Variants in SEPTIN9 observed in about 807,000 individuals in gnomAD.
The protein encoded by SEPTIN9 is septin 9.
Under a neutral mutation model 56.6 loss-of-function variants are expected in SEPTIN9, and 13 were observed. The ratio of observed to expected loss-of-function variants is 0.23; its 90% CI spans 0.15 to 0.37. The LOEUF (loss-of-function observed/expected upper bound fraction) is 0.37. Among genes scored for constraint, SEPTIN9 ranks in the 10% least tolerant of loss-of-function variants. The pLI is 1.00. For missense variants in SEPTIN9, 650 were observed against 823.1 expected, an observed-to-expected ratio of 0.79 and a Z score of 2.57; for synonymous variants, 332 against 334.1, an observed-to-expected ratio of 0.99 and a Z score of 0.07.
chr17:77,305,593 C>A (rs1276533842), intron 1 of SEPTIN9, among the ~76,000 whole-genome samples: 1 of 151,992 alleles, frequency 6.6e-6, no homozygotes, highest in Non-Finnish European at 1.5e-5. Flanking sequence ...ATGGGTTCAA[C>A]TAAAATTGGG....
rs2037211194 is a variant in SEPTIN9 at position 77,433,210 on chromosome 17, G to T, written c.721+30507G>T. ...CTCCATCCCACCATCTCCAGCCGTG[G>T]TGTCCCTCTCGGTCACAGGATGCTG... On this transcript the variant is annotated intron_variant, in intron 3 of 11. Coordinates refer to ENST00000427177, the MANE Select transcript of SEPTIN9 (RefSeq NM_001113491.2). This position sits in a 1 kb window ranked among gnomAD's most constrained non-coding sequence, Gnocchi z 6.4. Among the ~76,000 whole-genome samples, 1 of 152,292 alleles carries T rather than the reference G, an allele frequency of 6.6e-6. No individual in the cohort carries two copies. Among genetic ancestry groups the T allele is most frequent in the African/African-American group, 2.4e-5 (1 of 41,562 alleles).
At chr17:77,422,383 G>A (rs1268567430) in intron 3 of SEPTIN9, among the ~76,000 whole-genome samples, 1 of 152,246 alleles carries the variant, frequency 6.6e-6, no homozygotes, top group Non-Finnish European at 1.5e-5. Flanking sequence ...AGTGGCTGGT[G>A]TGGCTTCCTG....
intron 10 of SEPTIN9, chr17:77,496,929 C>T (rs900873267): frequency 3.4e-6 from 1 of 290,548 alleles, no homozygotes. Flanking sequence ...GTCTTCAGGC[C>T]CCTGCTGGGA....
intron 2 of SEPTIN9, among the ~76,000 whole-genome samples, chr17:77,393,036 C>T (rs1253156852): frequency 6.6e-6 from 1 of 152,308 alleles, no homozygotes; most frequent in South Asian, 2.1e-4. Flanking sequence ...CCCTCCTCCA[C>T]CAAGCAGCCC....
rs374435660 is a variant in SEPTIN9, at chr17:77,392,071, G to C, written c.77-9988G>C. ...CAGCCAGCGAGCTGCTCTTCCTGTA[G>C]CGTGCAGAGGGAAGGAGGAGGCTTG... On this transcript the variant is annotated intron_variant, in intron 2 of 11. Coordinates refer to ENST00000427177, the MANE Select transcript of SEPTIN9 (RefSeq NM_001113491.2). 2.4e-4 allele frequency among the ~76,000 whole-genome samples: 37 copies of C among 152,328 alleles called. No individual in the cohort carries two copies. The East Asian group carries it at 6.7e-3, about 28-fold the overall frequency.
intron 3 of SEPTIN9, chr17:77,481,911 T>G: frequency 1.0e-5 from 6 of 578,698 alleles, no homozygotes; most frequent in East Asian, 2.9e-5. Flanking sequence ...AGTCTGGGGA[T>G]GGAGCTTTGC....
Position 77,365,692 on chromosome 17 carries a change from G to A in SEPTIN9, c.77-36367G>A, listed in dbSNP as rs903316946. 2.6e-5 allele frequency among the ~76,000 whole-genome samples: 4 copies of A among 152,264 alleles called. No homozygotes were observed. In the East Asian group the frequency reaches 5.8e-4, roughly 22 times the overall value. On this transcript the variant is annotated intron_variant, in intron 2 of 11. Coordinates refer to ENST00000427177, the MANE Select transcript of SEPTIN9 (RefSeq NM_001113491.2). The stretch of plus-strand genomic sequence containing the variant: ...CCTGCCCTTCCCGGGTTGCCAGGCC[G>A]CCACTCCCAACCTCCACCCTCTTTC...
chr17:77,493,917 C>T (rs1023452915), intron 10 of SEPTIN9, among the ~76,000 whole-genome samples: 11 of 152,070 alleles, frequency 7.2e-5, no homozygotes, highest in African/African-American at 9.7e-5. Flanking sequence ...GGATTACAGT[C>T]ACGTACCACC....
At chr17:77,479,871 T>TG (rs2039380629) in intron 3 of SEPTIN9, among the ~76,000 whole-genome samples, 1 of 151,954 alleles carries the variant, frequency 6.6e-6, no homozygotes, top group East Asian at 1.9e-4. Flanking sequence ...GTCACGTGGG[T>TG]GGGGACTGAA....
In SEPTIN9 at chr17:77,436,801, C is replaced by T. The variant is rs896463675; in HGVS notation, c.721+34098C>T. ...GCAGGGTGAGCTGCCCATTCTGGCCCTGGTAAGGACACCCAGGAGAGGGCC... is the reference window on the plus strand; with the variant it reads ...GCAGGGTGAGCTGCCCATTCTGGCCTTGGTAAGGACACCCAGGAGAGGGCC... On this transcript the variant is annotated intron_variant, in intron 3 of 11. Coordinates refer to ENST00000427177, the MANE Select transcript of SEPTIN9 (RefSeq NM_001113491.2). This position sits in a 1 kb window ranked among gnomAD's most constrained non-coding sequence, Gnocchi z 4.4. Among the ~76,000 whole-genome samples the T allele has an allele frequency of 6.6e-6, 1 of 152,248 alleles. No individual in the cohort carries two copies. Among genetic ancestry groups the T allele is most frequent in the Non-Finnish European group, 1.5e-5 (1 of 68,056 alleles).
intron 2 of SEPTIN9, among the ~76,000 whole-genome samples, chr17:77,377,603 G>C (rs1403263296): frequency 6.6e-6 from 1 of 152,146 alleles, no homozygotes; most frequent in Non-Finnish European, 1.5e-5. Flanking sequence ...AGGACCCCCA[G>C]ATCTGTGTTC....
chr17:77,437,707 A>G lies in SEPTIN9; in HGVS notation c.721+35004A>G, dbSNP rs1054870146. Among the ~76,000 whole-genome samples, 1 of 152,126 alleles carries G rather than the reference A, an allele frequency of 6.6e-6. No homozygotes were observed. ...CCAAACTCCATGCTGCAAAAGCCCAAGTGAACCCCAGTAGTGGCCTGGGAG... is the reference window on the plus strand; with the variant it reads ...CCAAACTCCATGCTGCAAAAGCCCAGGTGAACCCCAGTAGTGGCCTGGGAG... On this transcript the variant is annotated intron_variant, in intron 3 of 11. Coordinates refer to ENST00000427177, the MANE Select transcript of SEPTIN9 (RefSeq NM_001113491.2). This position sits in a 1 kb window ranked among gnomAD's most constrained non-coding sequence, Gnocchi z 5.3.
intron 2 of SEPTIN9, among the ~76,000 whole-genome samples, chr17:77,344,647 A>T (rs2033831986): frequency 6.6e-6 from 1 of 152,194 alleles, no homozygotes; most frequent in Non-Finnish European, 1.5e-5. Context: ...AATGTGGTCC[A>T]TCTGTACAGT....
intron 3 of SEPTIN9, among the ~76,000 whole-genome samples, chr17:77,419,120 A>G (rs952234501): frequency 6.6e-6 from 1 of 152,198 alleles, no homozygotes; most frequent in African/African-American, 2.4e-5. Flanking sequence ...CCTCTTGGCC[A>G]GAGAGAGACT....
intron 6 of SEPTIN9, 36 bp downstream of exon 6, chr17:77,488,357 G>T (rs1397862835): frequency 1.3e-6 from 2 of 1,569,128 alleles, no homozygotes; most frequent in Non-Finnish European, 1.8e-6. Flanking sequence ...ACTAGCGGGG[G>T]CTTCAGGGCT....
intron 2 of SEPTIN9, among the ~76,000 whole-genome samples, chr17:77,346,786 A>G (rs902047433): frequency 2.6e-5 from 4 of 152,136 alleles, no homozygotes; most frequent in Admixed American, 2.6e-4. Context: ...TGTGTCCCCC[A>G]AAATTCATAT....
intron 2 of SEPTIN9, among the ~76,000 whole-genome samples, chr17:77,352,364 G>T (rs906868575): frequency 6.6e-6 from 1 of 151,898 alleles, no homozygotes; most frequent in Non-Finnish European, 1.5e-5. Flanking sequence ...CCGAGATCGC[G>T]CCATTGCACT....
In SEPTIN9 at chr17:77,326,820, A is replaced by G. The variant is rs1356461767; in HGVS notation, c.76+19623A>G. Among the ~76,000 whole-genome samples the G allele has an allele frequency of 6.6e-6, 1 of 152,092 alleles. No individual in the cohort carries two copies. Among genetic ancestry groups the G allele is most frequent in the Non-Finnish European group, 1.5e-5 (1 of 68,022 alleles). ...GGGAGAGGGGCTGAAGGTTAAGCAG[A>G]TCATCAGCGGCCAATGATTGAATCA... On this transcript the variant is annotated intron_variant, in intron 2 of 11. Coordinates refer to ENST00000427177, the MANE Select transcript of SEPTIN9 (RefSeq NM_001113491.2). This position sits in a 1 kb window ranked among gnomAD's most constrained non-coding sequence, Gnocchi z 5.1.
At position 77,448,886 on chromosome 17, in the gene SEPTIN9, C is replaced by G. The variant is rs141010163; in HGVS notation, c.722-33258C>G. Among the ~76,000 whole-genome samples, 3 of 151,832 alleles carry G rather than the reference C, an allele frequency of 2.0e-5. No homozygotes were observed. The South Asian group carries it at 6.2e-4, about 32-fold the overall frequency. On this transcript the variant is annotated intron_variant, in intron 3 of 11. Coordinates refer to ENST00000427177, the MANE Select transcript of SEPTIN9 (RefSeq NM_001113491.2). ...GCAACCTTTGCCTCCCAGGTTTGAG[C>G]GATTCTCCTGCCTCAGCCTCCCAAG...
Sources: gnomAD v4.1 joint callset for allele counts (sites outside exome capture counted in the v4.1 genomes callset) on GRCh38, gnomAD v4.1.1 for gene constraint, Gnocchi (gnomAD v3.1) non-coding constraint, MANE v1.5 for transcripts, NCBI Gene and HGNC (gene_info 2026-07-23, HGNC 2026-07-21) for gene names.